The following ATP1A1 variants were observed in gnomAD, a reference collection of about 807,000 sequenced individuals.
ATP1A1 encodes the protein ATPase Na+/K+ transporting subunit alpha 1, also known as sodium/potassium-transporting ATPase subunit alpha-1.
In ATP1A1, 14 loss-of-function variants were observed where a neutral mutation model predicts 114.8. The observed-to-expected ratio is 0.12, with a 90% CI of 0.08 to 0.19. The LOEUF is 0.19. Ranked by LOEUF, ATP1A1 falls within the 10% of genes least tolerant of loss-of-function variation. The pLI, the probability that ATP1A1 is intolerant of heterozygous loss-of-function variation, is 1.00. For synonymous variants in ATP1A1, 471 were observed against 466.3 expected, an observed-to-expected ratio of 1.01 and a Z score of -0.13; for missense variants, 524 against 1,290.7, an observed-to-expected ratio of 0.41 and a Z score of 9.10.
intron 13 of ATP1A1, among the ~76,000 whole-genome samples, chr1:116,396,195 T>TC (rs1275621973): frequency 1.3e-5 from 2 of 152,086 alleles, no homozygotes; most frequent in African/African-American, 2.4e-5. Context: ...ATGTTGCTTT[T>TC]CCTCCAAGTT....
chr1:116,373,595 G>T, intron 1 of ATP1A1, 72 bp downstream of exon 1: 2 of 1,326,468 alleles, frequency 1.5e-6, no homozygotes, highest in Non-Finnish European at 1.9e-6. Flanking sequence ...TCGGGAGGGC[G>T]ACCGCGGCCA....
chr1:116,387,497 T>C lies in ATP1A1; in HGVS notation c.387+6T>C. On this transcript the variant is annotated splice_donor_region_variant and intron_variant, in intron 4 of 22. Transcript: ENST00000295598. The surrounding 1 kb of genome is among the most constrained non-coding windows in gnomAD (Gnocchi z 6.7). ...AGGAACCTCAAAACGATAATGTGAGTTCTGTAATTCAGCATATGGATTTGT... is the reference window on the plus strand; with the variant it reads ...AGGAACCTCAAAACGATAATGTGAGCTCTGTAATTCAGCATATGGATTTGT... 4 of 1,613,998 alleles carry C rather than the reference T, an allele frequency of 2.5e-6. No homozygotes were observed. Among genetic ancestry groups the C allele is most frequent in the Non-Finnish European group, 3.4e-6 (4 of 1,179,884 alleles).
At chr1:116,403,787 G>A in intron 21 of ATP1A1, 97 bp from the exon 22 acceptor site, 1 of 1,072,866 alleles carries the variant, frequency 9.3e-7, no homozygotes, top group Non-Finnish European at 1.4e-6. Flanking sequence ...CTCCTTTCAG[G>A]CTGATTATTT....
At chr1:116,392,211 G>A (rs1175718945) in intron 10 of ATP1A1, 1 of 152,210 alleles carries the variant, frequency 6.6e-6, no homozygotes, top group Admixed American at 6.5e-5. Context: ...TAGAAAATAT[G>A]TGTGTCACTG....
intron 21 of ATP1A1, among the ~76,000 whole-genome samples, chr1:116,402,466 T>C (rs1020169225): frequency 6.6e-6 from 1 of 152,174 alleles, no homozygotes; most frequent in Admixed American, 6.5e-5. Flanking sequence ...AATCCCCTGT[T>C]GCCAGCACTT....
chr1:116,379,622 T>C (rs900372311), intron 1 of ATP1A1, among the ~76,000 whole-genome samples: 9 of 152,164 alleles, frequency 5.9e-5, no homozygotes, highest in African/African-American at 2.2e-4. Flanking sequence ...AAATGAAAAA[T>C]AATGCCAAAG....
At chr1:116,374,184 G>T in intron 1 of ATP1A1, 1 of 1,550,368 alleles carries the variant, frequency 6.5e-7, no homozygotes, top group Non-Finnish European at 8.7e-7. Context: ...TGCGAAGCCG[G>T]CTGGGCGGGC....
chr1:116,374,060 C>T, intron 1 of ATP1A1: 1 of 1,404,468 alleles, frequency 7.1e-7, no homozygotes, highest in Non-Finnish European at 9.3e-7. Context: ...GGCCCCGGTT[C>T]CGGCGGGGGC....
In ATP1A1 at chr1:116,384,455, C is replaced by G. The variant is rs1197765281; in HGVS notation, c.124-328C>G. 6.6e-6 allele frequency among the ~76,000 whole-genome samples: 1 copy of G among 152,180 alleles called. No individual in the cohort carries two copies. Among genetic ancestry groups the G allele is most frequent in the Non-Finnish European group, 1.5e-5 (1 of 68,038 alleles). On this transcript the variant is annotated intron_variant, in intron 2 of 22. Transcript: ENST00000295598. The surrounding 1 kb of genome is among the most constrained non-coding windows in gnomAD (Gnocchi z 5.1). ...CGATGGAAGCTTCCATAGACTTAACCTGTCTAGAATCGACCTGGTCATCAG... is the reference window on the plus strand; with the variant it reads ...CGATGGAAGCTTCCATAGACTTAACGTGTCTAGAATCGACCTGGTCATCAG...
At position 116,398,050 on chromosome 1, in the gene ATP1A1, C is replaced by A. The variant is rs762785789; in HGVS notation, c.2124+12C>A. 13 of 1,613,316 alleles carry A rather than the reference C, an allele frequency of 8.1e-6. No homozygotes were observed. The highest frequency in any genetic ancestry group is 3.3e-5 in the Admixed American group (2 of 59,936). ...GCTGCCAAAGACAGGTCAGCCAGCA[C>A]AAGGATCAGGCTGCTTTGGGCACTA... is the stretch of plus-strand genomic sequence containing the variant. On this transcript the variant is annotated intron_variant, in intron 15 of 22. Coordinates refer to ENST00000295598, the MANE Select transcript of ATP1A1 (RefSeq NM_000701.8). This position sits in a 1 kb window ranked among gnomAD's most constrained non-coding sequence, Gnocchi z 6.1.
chr1:116,404,013 T>C lies in ATP1A1; in HGVS notation c.3043+38T>C, dbSNP rs10924083. ...ATTCTGACTTTGGTTGGAGGAGGAG[T>C]GGGAGGGGCTATAGTTCTATTGGTT... On this transcript the variant is annotated intron_variant, in intron 22 of 22. Transcript: ENST00000295598. The surrounding 1 kb of genome is among the most constrained non-coding windows in gnomAD (Gnocchi z 4.8). The C allele has an allele frequency of 0.038, 59,905 of 1,581,686 alleles. 2,971 individuals carry two copies. The highest frequency in any genetic ancestry group is 0.25 in the African/African-American group (18,183 of 74,054).
In ATP1A1 at chr1:116,397,069, A is replaced by G. The variant is rs1398089422; in HGVS notation, c.1973+335A>G. ...ATTCAGCAGTCTAGCTTCTGATTTC[A>G]TGCTGTTAACCACTGAGCTCTACTG... On this transcript the variant is annotated intron_variant, in intron 14 of 22. Transcript: ENST00000295598. This position sits in a 1 kb window ranked among gnomAD's most constrained non-coding sequence, Gnocchi z 4.2. Among the ~76,000 whole-genome samples, 1 of 152,194 alleles carries G rather than the reference A, an allele frequency of 6.6e-6. No homozygotes were observed. Among genetic ancestry groups the G allele is most frequent in the Non-Finnish European group, 1.5e-5 (1 of 68,046 alleles).
chr1:116,397,919 G>A lies in ATP1A1; in HGVS notation c.2005G>A (p.Asp669Asn). 2 of 1,612,722 alleles carry A rather than the reference G, an allele frequency of 1.2e-6. No individual in the cohort carries two copies. Among genetic ancestry groups the A allele is most frequent in the Non-Finnish European group, 1.7e-6 (2 of 1,179,778 alleles). Residue 669 changes from aspartate to asparagine, a missense_variant, in exon 15 of 23, where the codon GAT becomes AAT. Physicochemically the swap from Asp to Asn is conservative, Grantham distance 23. Transcript: ENST00000295598. The surrounding 1 kb of genome is among the most constrained non-coding windows in gnomAD (Gnocchi z 4.2). Reference sequence around the variant, plus strand: ...CAAGGCCTGCGTAGTACACGGCAGTGATCTAAAGGACATGACCTCCGAGCA... The same window carrying A: ...CAAGGCCTGCGTAGTACACGGCAGTAATCTAAAGGACATGACCTCCGAGCA... ...DAKACVVHGSDLKDMTSEQLD... is the reference protein window; with the variant it reads ...DAKACVVHGSNLKDMTSEQLD...
chr1:116,404,238 A>C lies in ATP1A1; in HGVS notation c.3044-178A>C, dbSNP rs1653781920. On this transcript the variant is annotated intron_variant, in intron 22 of 22. Transcript: ENST00000295598. The surrounding 1 kb of genome is among the most constrained non-coding windows in gnomAD (Gnocchi z 4.8). The stretch of plus-strand genomic sequence containing the variant: ...TTGTCAGAATCTAAACCATCTTTCC[A>C]GGTAACTTGGTATTCCTAAAAACAT... Among the ~76,000 whole-genome samples the C allele has an allele frequency of 6.6e-6, 1 of 152,224 alleles. No individual in the cohort carries two copies. Among genetic ancestry groups the C allele is most frequent in the African/African-American group, 2.4e-5 (1 of 41,448 alleles).
At position 116,388,941 on chromosome 1, in the gene ATP1A1, A is replaced by C. The variant is rs992887190; in HGVS notation, c.676A>C (p.Thr226Pro). Reference protein sequence around the residue: ...SSLTGESEPQTRSPDFTNENP... With the variant: ...SSLTGESEPQPRSPDFTNENP... The stretch of plus-strand genomic sequence containing the variant: ...GCTCACTGGTGAATCAGAACCCCAG[A>C]CTAGGTCTCCAGATTTCACAAATGA... Residue 226 changes from threonine to proline, a missense_variant, in exon 7 of 23, where the codon ACT becomes CCT. This residue lies in a region of ATP1A1 where 141 missense variants were observed against 316.6 expected (regional missense o/e 0.45). Coordinates refer to ENST00000295598, the MANE Select transcript of ATP1A1 (RefSeq NM_000701.8). The surrounding 1 kb of genome is among the most constrained non-coding windows in gnomAD (Gnocchi z 5.6). 1 of 1,614,236 alleles carries C rather than the reference A, an allele frequency of 6.2e-7. No homozygotes were observed. Among genetic ancestry groups the C allele is most frequent in the Non-Finnish European group, 8.5e-7 (1 of 1,180,050 alleles).
intron 1 of ATP1A1, chr1:116,374,330 G>A: frequency 1.9e-6 from 3 of 1,544,756 alleles, no homozygotes; most frequent in Non-Finnish European, 2.6e-6. Context: ...GGTGGGGAGA[G>A]GCGTGCAGAT....
intron 1 of ATP1A1, among the ~76,000 whole-genome samples, chr1:116,377,804 G>A (rs952466947): frequency 2.0e-5 from 3 of 152,174 alleles, no homozygotes; most frequent in African/African-American, 7.2e-5. Context: ...GGGTTTGGAC[G>A]GCAAAGCACC....
chr1:116,389,031 T>G lies in ATP1A1; in HGVS notation c.754+12T>G. The G allele has an allele frequency of 2.5e-6, 4 of 1,606,432 alleles. No homozygotes were observed. The highest frequency in any genetic ancestry group is 3.4e-6 in the Non-Finnish European group (4 of 1,173,244). On this transcript the variant is annotated intron_variant, in intron 7 of 22. Transcript: ENST00000295598. The surrounding 1 kb of genome is among the most constrained non-coding windows in gnomAD (Gnocchi z 6.9). ...CAATTGTGTTGAAGGTAGGCCATTT[T>G]TGGGCACTTTGAGCATGGCGTGGTA... is the stretch of plus-strand genomic sequence containing the variant.
chr1:116,378,252 T>A (rs1034856359), intron 1 of ATP1A1, among the ~76,000 whole-genome samples: 2 of 152,254 alleles, frequency 1.3e-5, no homozygotes, highest in African/African-American at 4.8e-5. Flanking sequence ...TCAATAGACC[T>A]CATTCCTTTG....
Sources: gnomAD v4.1 joint callset for allele counts (sites outside exome capture counted in the v4.1 genomes callset) on GRCh38, gnomAD v4.1.1 for gene constraint, gnomAD v4.1.1 regional missense constraint, Gnocchi (gnomAD v3.1) non-coding constraint, MANE v1.5 for transcripts, NCBI Gene and HGNC (gene_info 2026-07-23, HGNC 2026-07-21) for gene names.